The following RBFOX1 variants were observed in gnomAD, a reference collection of about 807,000 sequenced individuals.
RBFOX1 encodes RNA binding fox-1 homolog 1.
Under a neutral mutation model 57.7 loss-of-function variants are expected in RBFOX1, and 8 were observed. The observed-to-expected ratio is 0.14, with a 90% confidence interval of 0.08 to 0.25. The LOEUF (loss-of-function observed/expected upper bound fraction) is 0.25. Ranked by LOEUF, RBFOX1 falls within the 10% of genes least tolerant of loss-of-function variation. The pLI is 1.00. For missense variants in RBFOX1, 611 were observed against 548.5 expected, an observed-to-expected ratio of 1.11 and a Z score of -1.14; for synonymous variants, 326 against 222.4, an observed-to-expected ratio of 1.47 and a Z score of -4.15.
At chr16:7,294,646 A>T (rs1321386249) in intron 4 of RBFOX1, among the ~76,000 whole-genome samples, 1 of 152,150 alleles carries the variant, frequency 6.6e-6, no homozygotes. Context: ...GGAAAATTTC[A>T]TATGATAAAA....
chr16:5,955,043 G>C (rs1375092453), intron 4 of RBFOX1, among the ~76,000 whole-genome samples: 1 of 144,540 alleles, frequency 6.9e-6, no homozygotes, highest in Non-Finnish European at 1.5e-5. Flanking sequence ...CACTTGCGGA[G>C]GCCGAAGCGG....
At chr16:6,754,462 T>C (rs891437391) in intron 3 of RBFOX1, among the ~76,000 whole-genome samples, 3 of 152,216 alleles carry the variant, frequency 2.0e-5, no homozygotes, top group Non-Finnish European at 4.4e-5. Flanking sequence ...TCCTTTTGTT[T>C]CTTCCACAAT....
At chr16:6,252,640 T>A (rs140444110) in intron 1 of RBFOX1, among the ~76,000 whole-genome samples, 1 of 119,872 alleles carries the variant, frequency 8.3e-6, no homozygotes, top group Admixed American at 8.8e-5. Flanking sequence ...GTTTTGTTTT[T>A]GGTAAACTTC....
chr16:7,390,064 C>G (rs1420967862), intron 4 of RBFOX1, among the ~76,000 whole-genome samples: 1 of 152,130 alleles, frequency 6.6e-6, no homozygotes, highest in Admixed American at 6.5e-5. Flanking sequence ...AGCACATCCT[C>G]ACATGGCCAG....
In RBFOX1 at chr16:6,506,624, A is replaced by ATT. The variant is rs71145238; in HGVS notation, c.-63-147939_-63-147938dup. ...ACGGTAATAACAATCACAGTAGCTA[A>ATT]TTTTTTTTTTTTTTTTTTTTTTTTT... On this transcript the variant is annotated intron_variant, in intron 2 of 15. Transcript: ENST00000550418. 5.5e-4 allele frequency among the ~76,000 whole-genome samples: 54 copies of ATT among 98,454 alleles called. 1 individual carries two copies. Among genetic ancestry groups the ATT allele is most frequent in the East Asian group, 7.1e-4 (2 of 2,802 alleles). 64.6% of individuals were successfully genotyped at this position (98,454 alleles called of 152,430 possible). A position where few individuals can be genotyped will look rare whatever the true frequency, so the allele number is the denominator to read the frequency against.
chr16:5,695,345 G>T (rs963569013), intron 3 of RBFOX1, among the ~76,000 whole-genome samples: 1 of 152,118 alleles, frequency 6.6e-6, no homozygotes, highest in African/African-American at 2.4e-5. Context: ...ATAAGGAAAA[G>T]TTTTCTATGA....
chr16:5,480,274 C>T (rs924170090), intron 2 of RBFOX1, among the ~76,000 whole-genome samples: 3 of 152,034 alleles, frequency 2.0e-5, no homozygotes, highest in Admixed American at 6.5e-5. Context: ...GGGATTTTCT[C>T]CTAATCTCTC....
chr16:7,061,468 T>A (rs1448750527), intron 4 of RBFOX1, among the ~76,000 whole-genome samples: 2 of 152,156 alleles, frequency 1.3e-5, no homozygotes, highest in East Asian at 3.9e-4. Context: ...TGTACAGGTG[T>A]CCACTTTTCT....
intron 2 of RBFOX1, among the ~76,000 whole-genome samples, chr16:6,432,926 C>T (rs778574647): frequency 2.6e-5 from 4 of 152,056 alleles, no homozygotes; most frequent in African/African-American, 7.3e-5. Flanking sequence ...TGCACTGAGC[C>T]GAGATTGCAC....
chr16:5,970,631 TA>T (rs2059943570), intron 4 of RBFOX1, among the ~76,000 whole-genome samples: 1 of 152,176 alleles, frequency 6.6e-6, no homozygotes, highest in Non-Finnish European at 1.5e-5. Context: ...CAAGTCAAAT[TA>T]GCACCTGCCA....
At chr16:7,041,401 T>C (rs1015117703) in intron 3 of RBFOX1, among the ~76,000 whole-genome samples, 2 of 152,148 alleles carry the variant, frequency 1.3e-5, no homozygotes, top group East Asian at 3.9e-4. Context: ...AGAAAAAGTT[T>C]TTCAATTCCT....
At chr16:5,681,905 G>C (rs1486182138) in intron 3 of RBFOX1, among the ~76,000 whole-genome samples, 1 of 152,082 alleles carries the variant, frequency 6.6e-6, no homozygotes, top group Non-Finnish European at 1.5e-5. Flanking sequence ...GATGAATCTG[G>C]AAGGAGTAGA....
chr16:6,125,209 C>G (rs928989711), intron 1 of RBFOX1, among the ~76,000 whole-genome samples: 2 of 152,126 alleles, frequency 1.3e-5, no homozygotes. Context: ...TTGTCAAGCC[C>G]CCAAATCCTT....
intron 3 of RBFOX1, among the ~76,000 whole-genome samples, chr16:5,624,028 C>T (rs149061380): frequency 1.3e-5 from 2 of 152,282 alleles, no homozygotes; most frequent in African/African-American, 4.8e-5. Context: ...CCTTACAGAA[C>T]TGAGAAGAGC....
chr16:6,256,695 C>T (rs190665282), intron 1 of RBFOX1, among the ~76,000 whole-genome samples: 11 of 152,208 alleles, frequency 7.2e-5, no homozygotes, highest in Admixed American at 4.6e-4. Flanking sequence ...TAGGACACTT[C>T]GTAGCATCCC....
At chr16:5,597,864 C>T (rs188499401) in intron 2 of RBFOX1, among the ~76,000 whole-genome samples, 1 of 152,164 alleles carries the variant, frequency 6.6e-6, no homozygotes, top group East Asian at 1.9e-4. Flanking sequence ...AGCTGAGGCT[C>T]CACTGCAACC....
intron 3 of RBFOX1, among the ~76,000 whole-genome samples, chr16:6,780,895 T>C (rs1179010850): frequency 6.6e-6 from 1 of 152,072 alleles, no homozygotes; most frequent in Admixed American, 6.6e-5. Context: ...TGGCAGTTAT[T>C]CTCTTGTCAG....
intron 3 of RBFOX1, among the ~76,000 whole-genome samples, chr16:6,932,063 T>A (rs146082467): frequency 6.2e-4 from 94 of 152,284 alleles, no homozygotes; most frequent in African/African-American, 2.2e-3. Flanking sequence ...GGCAGAGCCT[T>A]CATGACCTGA....
At chr16:7,652,160 T>C (rs1461004641) in intron 11 of RBFOX1, among the ~76,000 whole-genome samples, 1 of 152,156 alleles carries the variant, frequency 6.6e-6, no homozygotes, top group East Asian at 1.9e-4. Context: ...GTGGTCATTA[T>C]GCTCAGAGCA....
Sources: allele counts gnomAD v4.1 joint callset (sites outside exome capture counted in the v4.1 genomes callset), GRCh38; gene constraint gnomAD v4.1.1; transcripts MANE v1.5; gene names NCBI Gene and HGNC (gene_info 2026-07-23, HGNC 2026-07-21).